PPP2R2D: variants seen among roughly 807,000 people sequenced by gnomAD.
PPP2R2D encodes protein phosphatase 2 regulatory subunit Bdelta.
In PPP2R2D, 9 loss-of-function variants were observed where a neutral mutation model predicts 31.1. The observed-to-expected ratio is 0.29, with a 90% CI of 0.17 to 0.51. The LOEUF (loss-of-function observed/expected upper bound fraction) is 0.51. Among genes scored for constraint, PPP2R2D ranks in the 20% least tolerant of loss-of-function variants. The probability of loss-of-function intolerance (pLI) is 0.98; values close to 1 mark genes in which losing one functional copy is unlikely to be tolerated. For missense variants in PPP2R2D, 391 were observed against 465.6 expected, an observed-to-expected ratio of 0.84 and a Z score of 1.48; for synonymous variants, 179 against 172.6, an observed-to-expected ratio of 1.04 and a Z score of -0.29.
Position 131,944,020 on chromosome 10 carries a change from T to G in PPP2R2D, c.530T>G (p.Ile177Ser). The G allele has an allele frequency of 6.7e-7, 1 of 1,490,540 alleles. No individual in the cohort carries two copies. The highest frequency in any genetic ancestry group is 1.1e-5 in the South Asian group (1 of 88,398). The allele number at this position is 1,490,540 out of a possible 1,614,324, so 92.3% of individuals were successfully genotyped here. Residue 177 changes from isoleucine (I) to serine (S), a missense_variant, in exon 6 of 9, where the codon ATT (isoleucine) becomes AGT (serine). Around this residue, in one of 3 missense-constraint regions of PPP2R2D, gnomAD observed 105 missense variants for 98.5 expected, o/e 1.07. Transcript: ENST00000455566. ...DLMVEASPRR[I>S]FANAHTYHIN... ...ATGGTAGAAGCGAGTCCACGGCGAA[T>G]TTTTGCAAATGCTCACACATATCAT...
chr10:131,956,673 C>A lies in PPP2R2D; in HGVS notation c.*710C>A. ...TGGCAGCGTGGGGGTATGTGTGCAG[C>A]ATTTCTGTCCCCAAGCTGCTGCCCG... On this transcript the variant is annotated 3_prime_UTR_variant, in exon 9 of 9. Coordinates refer to ENST00000455566, the MANE Select transcript of PPP2R2D (RefSeq NM_018461.5). 1 of 576,358 alleles carries A rather than the reference C, an allele frequency of 1.7e-6. No homozygotes were observed. Among genetic ancestry groups the A allele is most frequent in the Non-Finnish European group, 2.2e-6 (1 of 456,174 alleles). The allele number at this position is 576,358 out of a possible 1,614,324, so 35.7% of individuals were successfully genotyped here. A position where few individuals can be genotyped will look rare whatever the true frequency, so the allele number is the denominator to read the frequency against.
intron 2 of PPP2R2D, among the ~76,000 whole-genome samples, chr10:131,923,535 G>C (rs1554894525): frequency 6.6e-6 from 1 of 152,140 alleles, no homozygotes; most frequent in African/African-American, 2.4e-5. Flanking sequence ...AGTTTCCCAA[G>C]GTGGCTGCAA....
chr10:131,965,175 G>A, the PPP2R2D span, among the ~76,000 whole-genome samples: 1 of 152,224 alleles, frequency 6.6e-6, no homozygotes, highest in East Asian at 1.9e-4. Flanking sequence ...AGGATCCACA[G>A]AGGGGGCCAC....
At chr10:131,930,212 G>A (rs2036194860) in intron 2 of PPP2R2D, among the ~76,000 whole-genome samples, 1 of 151,850 alleles carries the variant, frequency 6.6e-6, no homozygotes, top group African/African-American at 2.4e-5. Flanking sequence ...AGTTATCTGT[G>A]TCTTTAGTGC....
rs2035993487 is a variant in PPP2R2D, at chr10:131,921,807, T to G, written c.101-12651T>G. ...GTCGTTGGTGGTTATAAAGCGCTTT[T>G]GATTTGCCTGTAAATCAGAGTCTAC... On this transcript the variant is annotated intron_variant, in intron 2 of 8. Coordinates refer to ENST00000455566, the MANE Select transcript of PPP2R2D (RefSeq NM_018461.5). 2.6e-5 allele frequency among the ~76,000 whole-genome samples: 4 copies of G among 152,206 alleles called. No homozygotes were observed. In the South Asian group the frequency reaches 8.3e-4, roughly 32 times the overall value.
intron 2 of PPP2R2D, among the ~76,000 whole-genome samples, chr10:131,914,191 C>T (rs569769216): frequency 1.3e-5 from 2 of 152,312 alleles, no homozygotes; most frequent in South Asian, 4.1e-4. Flanking sequence ...CATTAATCAT[C>T]ATAGAAATGG....
In PPP2R2D at chr10:131,958,393, G is replaced by GGAGGTGTGTGCTGATCCCCCATC. The variant is rs1589969282; in HGVS notation, c.*2430_*2431insGAGGTGTGTGCTGATCCCCCATC. ...ATGAAGGTGTGTGCTGATTCCTCAT[G>GGAGGTGTGTGCTGATCCCCCATC]CCCCTGTGGAGATGGAGGTGTGTGC... On this transcript the variant is annotated 3_prime_UTR_variant, in exon 9 of 9. Transcript: ENST00000455566. 7.5e-6 allele frequency: 1 copy of GGAGGTGTGTGCTGATCCCCCATC among 133,796 alleles called. No homozygotes were observed. Among genetic ancestry groups the GGAGGTGTGTGCTGATCCCCCATC allele is most frequent in the African/African-American group, 3.6e-5 (1 of 27,710 alleles). 8.3% of individuals were successfully genotyped at this position (133,796 alleles called of 1,614,324 possible). A position where few individuals can be genotyped will look rare whatever the true frequency, so the allele number is the denominator to read the frequency against.
intron 5 of PPP2R2D, among the ~76,000 whole-genome samples, chr10:131,943,721 A>T (rs1298924220): frequency 7.2e-5 from 11 of 152,198 alleles, no homozygotes; most frequent in African/African-American, 2.7e-4. Context: ...CTGCCAGCTG[A>T]TCTTCTCTTC....
chr10:131,970,672 G>A, the PPP2R2D span: 5 of 1,614,208 alleles, frequency 3.1e-6, no homozygotes, highest in East Asian at 2.2e-5. This position sits in a 1 kb window ranked among gnomAD's most constrained non-coding sequence, Gnocchi z 4.1. Flanking sequence ...GAGAGCAGCA[G>A]AGATGGAAGG....
chr10:131,923,413 C>A (rs2036032131), intron 2 of PPP2R2D, among the ~76,000 whole-genome samples: 1 of 152,168 alleles, frequency 6.6e-6, no homozygotes, highest in African/African-American at 2.4e-5. Context: ...TGTGGACATT[C>A]TTGTACATGT....
intron 2 of PPP2R2D, among the ~76,000 whole-genome samples, chr10:131,931,441 T>C (rs2036225273): frequency 6.6e-6 from 1 of 152,128 alleles, no homozygotes; most frequent in Non-Finnish European, 1.5e-5. Context: ...CCCACCTCCC[T>C]GGTTCAAGCG....
chr10:131,968,641 G>A, the PPP2R2D span: 4 of 1,380,400 alleles, frequency 2.9e-6, no homozygotes, highest in East Asian at 6.9e-5. Flanking sequence ...CTGAAACAGG[G>A]TAGCTCACTG....
chr10:131,910,062 A>C (rs1340119467), intron 2 of PPP2R2D, among the ~76,000 whole-genome samples: 1 of 152,208 alleles, frequency 6.6e-6, no homozygotes, highest in Non-Finnish European at 1.5e-5. Context: ...GTGGCGTCAC[A>C]CTTCCATGTG....
chr10:131,920,453 G>A (rs953330541), intron 2 of PPP2R2D, among the ~76,000 whole-genome samples: 1 of 150,614 alleles, frequency 6.6e-6, no homozygotes, highest in African/African-American at 2.4e-5. Context: ...GGGACCTCAC[G>A]TGGGTGGAAG....
At chr10:131,903,386 G>C (rs1266294274) in intron 2 of PPP2R2D, among the ~76,000 whole-genome samples, 1 of 145,470 alleles carries the variant, frequency 6.9e-6, no homozygotes, top group Non-Finnish European at 1.5e-5. Flanking sequence ...AGAATCACTT[G>C]AACCCGGGTG....
At chr10:131,964,558 G>A (rs1293783661), downstream of PPP2R2D, among the ~76,000 whole-genome samples, 2 of 152,108 alleles carry the variant, frequency 1.3e-5, no homozygotes, top group African/African-American at 4.8e-5. Context: ...CTGTCCAGCA[G>A]TGGGAAATCA....
At chr10:131,915,836 G>A (rs1391088528) in intron 2 of PPP2R2D, among the ~76,000 whole-genome samples, 2 of 152,216 alleles carry the variant, frequency 1.3e-5, no homozygotes, top group Non-Finnish European at 2.9e-5. Flanking sequence ...CGTTGAAGTA[G>A]TATTAACCAA....
At chr10:131,903,681 A>G (rs903079095) in intron 2 of PPP2R2D, among the ~76,000 whole-genome samples, 9 of 152,286 alleles carry the variant, frequency 5.9e-5, no homozygotes, top group Non-Finnish European at 1.2e-4. Context: ...AGAGCTGTCT[A>G]TTTTAATCCA....
At chr10:131,910,526 A>T (rs1054508025) in intron 2 of PPP2R2D, among the ~76,000 whole-genome samples, 4 of 152,158 alleles carry the variant, frequency 2.6e-5, no homozygotes, top group Admixed American at 2.6e-4. Flanking sequence ...TTCATTTTCA[A>T]GTCAATTTCT....
Sources: gnomAD v4.1 joint callset for allele counts (sites outside exome capture counted in the v4.1 genomes callset) on GRCh38, gnomAD v4.1.1 for gene constraint, gnomAD v4.1.1 regional missense constraint, Gnocchi (gnomAD v3.1) non-coding constraint, MANE v1.5 for transcripts, NCBI Gene and HGNC (gene_info 2026-07-23, HGNC 2026-07-21) for gene names.